Variants in CHLSN observed in about 807,000 individuals in gnomAD.
CHLSN encodes the protein protein cholesin.
the CHLSN span, among the ~76,000 whole-genome samples, chr7:1,094,341 G>A: frequency 6.6e-6 from 1 of 152,256 alleles, no homozygotes; most frequent in Non-Finnish European, 1.5e-5. Context: ...TGCGCAGGGC[G>A]TCGGGATGTG....
At chr7:1,049,368 A>G in the CHLSN span, among the ~76,000 whole-genome samples, 2 of 152,208 alleles carry the variant, frequency 1.3e-5, no homozygotes, top group South Asian at 4.1e-4. Flanking sequence ...TGTGCTTCAC[A>G]TGGGTTGGTT....
chr7:1,039,896 C>A, the CHLSN span, among the ~76,000 whole-genome samples: 1 of 77,184 alleles, frequency 1.3e-5, no homozygotes, highest in Non-Finnish European at 2.6e-5. Flanking sequence ...CTCTCTGAAA[C>A]ATGTGCTGTG....
chr7:988,714 C>T, the CHLSN span: 2 of 1,599,692 alleles, frequency 1.3e-6, no homozygotes, highest in South Asian at 2.2e-5. Context: ...AGAGGTACCG[C>T]CTGCTGCCCC....
chr7:1,083,354 G>A, the CHLSN span, among the ~76,000 whole-genome samples: 1 of 152,214 alleles, frequency 6.6e-6, no homozygotes, highest in African/African-American at 2.4e-5. Context: ...GCCGGGCGCG[G>A]TGGCTCAAGC....
chr7:985,907 G>C, the CHLSN span, among the ~76,000 whole-genome samples: 1 of 152,164 alleles, frequency 6.6e-6, no homozygotes, highest in African/African-American at 2.4e-5. Flanking sequence ...CGTGATGGGA[G>C]TGAGTGAGCA....
chr7:1,114,745 G>A, the CHLSN span, among the ~76,000 whole-genome samples: 2 of 152,262 alleles, frequency 1.3e-5, no homozygotes, highest in South Asian at 4.1e-4. Context: ...CAAACCGCGG[G>A]GTGAGCCAGG....
chr7:1,100,407 TGCAGGCCACAC>T, the CHLSN span, among the ~76,000 whole-genome samples: 1 of 152,226 alleles, frequency 6.6e-6, no homozygotes, highest in Non-Finnish European at 1.5e-5. Flanking sequence ...CACCTGTGGG[TGCAGGCCACAC>T]GCAGGCTGCA....
chr7:984,310 C>T, the CHLSN span: 628 of 1,430,858 alleles, frequency 4.4e-4, 1 homozygote, highest in Middle Eastern at 1.8e-3. Flanking sequence ...CCCCCATTTT[C>T]CCTCTGTCCC....
At chr7:1,074,370 C>T in the CHLSN span, 8 of 146,368 alleles carry the variant, frequency 5.5e-5, no homozygotes, top group South Asian at 2.3e-4. Context: ...CGCCTTCCTC[C>T]CTCCCCTGCA....
the CHLSN span, among the ~76,000 whole-genome samples, chr7:1,012,411 A>C: frequency 2.6e-5 from 4 of 152,248 alleles, no homozygotes; most frequent in Non-Finnish European, 5.9e-5. Flanking sequence ...ATCGGGGCCA[A>C]GCCGGGGACC....
chr7:1,083,211 C>A, the CHLSN span, among the ~76,000 whole-genome samples: 1 of 152,272 alleles, frequency 6.6e-6, no homozygotes, highest in African/African-American at 2.4e-5. Flanking sequence ...CGCAAAACTG[C>A]CAATGCCTTG....
the CHLSN span, chr7:1,021,324 C>A: frequency 1.5e-5 from 14 of 964,506 alleles, no homozygotes; most frequent in East Asian, 1.4e-3. Flanking sequence ...CTTTCTTCTT[C>A]CCCAGAAGCC....
chr7:1,070,622 G>A, the CHLSN span, among the ~76,000 whole-genome samples: 9 of 137,876 alleles, frequency 6.5e-5, no homozygotes, highest in South Asian at 2.4e-4. Flanking sequence ...ATGCACACAC[G>A]CACACAACAC....
At chr7:1,049,363 T>C in the CHLSN span, among the ~76,000 whole-genome samples, 2 of 152,224 alleles carry the variant, frequency 1.3e-5, no homozygotes, top group African/African-American at 2.4e-5. Context: ...CCTCTTGTGC[T>C]TCACATGGGT....
the CHLSN span, among the ~76,000 whole-genome samples, chr7:1,078,208 G>C: frequency 6.6e-6 from 1 of 152,222 alleles, no homozygotes; most frequent in African/African-American, 2.4e-5. Flanking sequence ...GCTATGGTGG[G>C]ATTTCTGCGG....
chr7:983,638 C>A, the CHLSN span, among the ~76,000 whole-genome samples: 19 of 152,254 alleles, frequency 1.2e-4, no homozygotes, highest in African/African-American at 4.6e-4. Flanking sequence ...GAGCAGGAGT[C>A]TGGAGGGCTC....
the CHLSN span, among the ~76,000 whole-genome samples, chr7:1,129,793 C>T: frequency 6.6e-6 from 1 of 152,200 alleles, no homozygotes. Context: ...TGCAATCATA[C>T]ATGGATTACA....
chr7:1,060,474 G>A, the CHLSN span, among the ~76,000 whole-genome samples: 2 of 152,204 alleles, frequency 1.3e-5, no homozygotes, highest in African/African-American at 2.4e-5. Flanking sequence ...GAGTATGCCC[G>A]GCCCCAGGGA....
chr7:1,055,002 C>T, the CHLSN span, among the ~76,000 whole-genome samples: 5 of 152,090 alleles, frequency 3.3e-5, no homozygotes, highest in Non-Finnish European at 5.9e-5. Context: ...ACACCAGGGG[C>T]GGCTGCATGG....
Sources: gnomAD v4.1 joint callset for allele counts (sites outside exome capture counted in the v4.1 genomes callset) on GRCh38, gnomAD v4.1.1 for gene constraint, MANE v1.5 for transcripts, NCBI Gene and HGNC (gene_info 2026-07-23, HGNC 2026-07-21) for gene names.